Variants in SLC25A48 observed in about 807,000 individuals in gnomAD.
The protein encoded by SLC25A48 is solute carrier family 25 member 48, also known as CTC-321K16.1.
Under a neutral mutation model 32.2 loss-of-function variants are expected in SLC25A48, and 29 were observed. The ratio of observed to expected loss-of-function variants is 0.90; its 90% CI spans 0.67 to 1.23. The LOEUF (loss-of-function observed/expected upper bound fraction) is 1.23. SLC25A48 is among the 50% of genes most tolerant of loss of function. The pLI is 0.00. For synonymous variants in SLC25A48, 164 were observed against 172.3 expected (o/e 0.95, Z 0.38); for missense variants, 399 against 422.7 (o/e 0.94, Z 0.49).
intron 5 of SLC25A48, 67 bp downstream of exon 5, chr5:135,871,785 G>A (rs1398479448): frequency 6.3e-7 from 1 of 1,592,472 alleles, no homozygotes; most frequent in Non-Finnish European, 8.6e-7. Context: ...CTGGGGAACT[G>A]CCATGCCCTT....
At chr5:135,584,900 C>T (rs1314711947) in intron 1 of SLC25A48, among the ~76,000 whole-genome samples, 2 of 152,320 alleles carry the variant, frequency 1.3e-5, no homozygotes, top group South Asian at 2.1e-4. Flanking sequence ...CTTTGAGTGG[C>T]GAAATGTTGG....
At position 135,869,909 on chromosome 5, in the gene SLC25A48, C is replaced by T. The variant is rs143801234; in HGVS notation, c.422-1552C>T. On this transcript the variant is annotated intron_variant, in intron 4 of 7. Coordinates refer to ENST00000681962, the MANE Select transcript of SLC25A48 (RefSeq NM_001349336.2). ...TAATGGATATGGCAGGGGTTTACTC[C>T]CTTCCCCACTGGAAGATGGAAAATA... is the stretch of plus-strand genomic sequence containing the variant. 2.1e-3 allele frequency among the ~76,000 whole-genome samples: 315 copies of T among 152,294 alleles called. 2 individuals carry two copies. Among genetic ancestry groups the T allele is most frequent in the African/African-American group, 7.3e-3 (304 of 41,564 alleles).
chr5:135,816,769 A>G (rs891381241), intron 4 of SLC25A48, among the ~76,000 whole-genome samples: 2 of 152,226 alleles, frequency 1.3e-5, no homozygotes, highest in African/African-American at 4.8e-5. Flanking sequence ...TTTAAAGATG[A>G]TGGAAAACAG....
At chr5:135,668,535 T>G (rs537739617) in intron 3 of SLC25A48, among the ~76,000 whole-genome samples, 2 of 152,368 alleles carry the variant, frequency 1.3e-5, no homozygotes, top group African/African-American at 4.8e-5. Context: ...TTAGAGGACA[T>G]TTATCGAACA....
At chr5:135,811,427 G>C (rs897264048) in intron 3 of SLC25A48, among the ~76,000 whole-genome samples, 1 of 152,184 alleles carries the variant, frequency 6.6e-6, no homozygotes, top group Non-Finnish European at 1.5e-5. Flanking sequence ...GTGGGGGATT[G>C]AGGAGATATT....
chr5:135,822,956 T>C (rs1299434081), intron 4 of SLC25A48, among the ~76,000 whole-genome samples: 2 of 152,104 alleles, frequency 1.3e-5, no homozygotes, highest in Non-Finnish European at 2.9e-5. Context: ...GAGCTGGGTC[T>C]CTGGGACTTG....
At position 135,778,341 on chromosome 5, in the gene SLC25A48, A is replaced by T. The variant is rs540854832; in HGVS notation, c.-520-34182A>T. Among the ~76,000 whole-genome samples, 491 of 150,516 alleles carry T rather than the reference A, an allele frequency of 3.3e-3. 6 individuals carry two copies. Among genetic ancestry groups the T allele is most frequent in the African/African-American group, 0.011 (462 of 40,948 alleles). Reference sequence around the variant, plus strand: ...ATCCAGGAAGGGAGAAGGTGATATTACTCCCAATATCGCAGAAGATGTACA... The same window carrying T: ...ATCCAGGAAGGGAGAAGGTGATATTTCTCCCAATATCGCAGAAGATGTACA... On this transcript the variant is annotated intron_variant, in intron 3 of 10. Transcript: ENST00000646290.
intron 3 of SLC25A48, among the ~76,000 whole-genome samples, chr5:135,635,342 T>C (rs1752674034): frequency 6.6e-6 from 1 of 152,180 alleles, no homozygotes; most frequent in African/African-American, 2.4e-5. Context: ...CTGGTTGTAA[T>C]GGTAGTGTTG....
At chr5:135,710,824 G>C (rs1393554272) in intron 3 of SLC25A48, among the ~76,000 whole-genome samples, 1 of 152,196 alleles carries the variant, frequency 6.6e-6, no homozygotes, top group Non-Finnish European at 1.5e-5. Flanking sequence ...TTGTACAGGA[G>C]AGAAGAGTGG....
At chr5:135,773,831 C>T (rs928484970) in intron 3 of SLC25A48, among the ~76,000 whole-genome samples, 1 of 151,090 alleles carries the variant, frequency 6.6e-6, no homozygotes, top group Admixed American at 6.6e-5. Context: ...TTTCTAATAT[C>T]CAGAGGGGGG....
intron 3 of SLC25A48, among the ~76,000 whole-genome samples, chr5:135,671,263 G>C (rs1270547898): frequency 6.6e-6 from 1 of 152,198 alleles, no homozygotes; most frequent in East Asian, 1.9e-4. Flanking sequence ...CCTGGAGCTG[G>C]GAAGTTTGTC....
At position 135,750,629 on chromosome 5, in the gene SLC25A48, A is replaced by T. The variant is rs1030608299; in HGVS notation, c.-520-61894A>T. Among the ~76,000 whole-genome samples the T allele has an allele frequency of 2.0e-5, 3 of 152,062 alleles. No homozygotes were observed. In the South Asian group the frequency reaches 6.2e-4, roughly 32 times the overall value. On this transcript the variant is annotated intron_variant, in intron 3 of 10. Transcript: ENST00000646290. ...CATACCTATACAGGGATGGGGGGCA[A>T]TGTTGTCCATAGAGATGCCCACAGC...
At chr5:135,693,369 G>A (rs182808866) in intron 3 of SLC25A48, among the ~76,000 whole-genome samples, 37 of 152,136 alleles carry the variant, frequency 2.4e-4, no homozygotes, top group African/African-American at 8.4e-4. Flanking sequence ...CTCCTTGGTA[G>A]GGGCTGCCCT....
At chr5:135,646,681 A>ATATATATATATATATAT (rs1420073417) in intron 3 of SLC25A48, among the ~76,000 whole-genome samples, 60 of 144,266 alleles carry the variant, frequency 4.2e-4, no homozygotes, top group East Asian at 1.0e-3. Flanking sequence ...ATATATATAC[A>ATATATATATATATATAT]ATGGGAAGGA....
intron 3 of SLC25A48, among the ~76,000 whole-genome samples, chr5:135,802,505 C>G (rs1580896759): frequency 1.3e-5 from 2 of 151,444 alleles, no homozygotes; most frequent in East Asian, 1.9e-4. Flanking sequence ...GACATTATTT[C>G]TAGTATCCTT....
chr5:135,678,009 C>A (rs574237051), intron 3 of SLC25A48, among the ~76,000 whole-genome samples: 35 of 152,186 alleles, frequency 2.3e-4, no homozygotes, highest in African/African-American at 8.4e-4. Context: ...GACCTTTTTG[C>A]ATTGTATCTA....
intron 3 of SLC25A48, among the ~76,000 whole-genome samples, chr5:135,750,819 T>C (rs62365674): frequency 0.3 from 46,071 of 152,032 alleles, 7,138 homozygotes; most frequent in East Asian, 0.46. Context: ...CCCTTAACTC[T>C]GGGCTCAGGC....
Position 135,852,649 on chromosome 5 carries a change from G to C in SLC25A48, c.249G>C (p.Thr83=), listed in dbSNP as rs61745845. 3.8e-5 allele frequency: 62 copies of C among 1,613,654 alleles called. No homozygotes were observed. Among genetic ancestry groups the C allele is most frequent in the Non-Finnish European group, 5.3e-5 (62 of 1,179,748 alleles). Residue 83 remains threonine (T), a synonymous_variant, in exon 4 of 8, where the codon ACG becomes ACC. Coordinates refer to ENST00000681962, the MANE Select transcript of SLC25A48 (RefSeq NM_001349336.2). The part of the protein sequence containing the change: ...NSVVFGVFSN[T]QRFLSQHRCG... ...TGGTGTTTGGGGTCTTCAGTAACAC[G>C]CAGCGGTTCCTCAGCCAGCACCGCT...
At chr5:135,715,122 T>G (rs1236044242) in intron 3 of SLC25A48, among the ~76,000 whole-genome samples, 1 of 152,008 alleles carries the variant, frequency 6.6e-6, no homozygotes, top group Non-Finnish European at 1.5e-5. Context: ...AGGGCAAATA[T>G]GAGGAGGTGA....
Sources: gnomAD v4.1 joint callset for allele counts (sites outside exome capture counted in the v4.1 genomes callset) on GRCh38, gnomAD v4.1.1 for gene constraint, MANE v1.5 for transcripts, NCBI Gene and HGNC (gene_info 2026-07-23, HGNC 2026-07-21) for gene names.